PRKAR2B: variants seen among roughly 807,000 people sequenced by gnomAD.
PRKAR2B encodes the protein protein kinase cAMP-dependent type II regulatory subunit beta.
Under a neutral mutation model 49.9 loss-of-function variants are expected in PRKAR2B, and 14 were observed. That is an observed-to-expected ratio of 0.28 (90% CI 0.19 to 0.44). The LOEUF is 0.44. Ranked by LOEUF, PRKAR2B falls within the 20% of genes least tolerant of loss-of-function variation. The pLI, the probability that PRKAR2B is intolerant of heterozygous loss-of-function variation, is 1.00. For synonymous variants in PRKAR2B, 196 were observed against 197.7 expected, an observed-to-expected ratio of 0.99 and a Z score of 0.07; for missense variants, 393 against 537.9, an observed-to-expected ratio of 0.73 and a Z score of 2.67.
chr7:107,104,488 G>A (rs928262935), intron 2 of PRKAR2B, among the ~76,000 whole-genome samples: 4 of 152,018 alleles, frequency 2.6e-5, no homozygotes, highest in African/African-American at 4.8e-5. Flanking sequence ...GGCCTCGTTG[G>A]GGGGGTATAC....
intron 1 of PRKAR2B, among the ~76,000 whole-genome samples, chr7:107,063,619 G>A (rs1237623870): frequency 2.0e-5 from 3 of 152,208 alleles, no homozygotes. Flanking sequence ...TTTGAGCTGA[G>A]ACTGGAATGG....
intron 2 of PRKAR2B, among the ~76,000 whole-genome samples, chr7:107,108,791 T>C (rs1221458310): frequency 6.6e-6 from 1 of 152,240 alleles, no homozygotes; most frequent in East Asian, 1.9e-4. Flanking sequence ...GTCATGTTCA[T>C]CTTGTTCAGT....
chr7:107,152,327 C>G (rs1796002137), intron 7 of PRKAR2B, among the ~76,000 whole-genome samples: 1 of 152,182 alleles, frequency 6.6e-6, no homozygotes, highest in South Asian at 2.1e-4. Flanking sequence ...GTTGACACAT[C>G]AGCTTCTTGC....
chr7:107,052,895 A>G (rs945198184), intron 1 of PRKAR2B, among the ~76,000 whole-genome samples: 4 of 152,188 alleles, frequency 2.6e-5, no homozygotes, highest in Admixed American at 6.5e-5. Flanking sequence ...CAGTGGTGCC[A>G]TCTTGGCTCA....
chr7:107,071,231 A>G (rs1458652540), intron 2 of PRKAR2B, among the ~76,000 whole-genome samples: 2 of 152,216 alleles, frequency 1.3e-5, no homozygotes, highest in African/African-American at 4.8e-5. Context: ...AGTTGATATA[A>G]TACAAATGGG....
chr7:107,129,147 C>G (rs939013035), intron 4 of PRKAR2B: 1 of 152,072 alleles, frequency 6.6e-6, no homozygotes, highest in Non-Finnish European at 1.5e-5. Flanking sequence ...TTAAAAAGGA[C>G]GTTTTTATAA....
At chr7:107,065,654 C>T (rs995320579) in intron 1 of PRKAR2B, among the ~76,000 whole-genome samples, 23 of 152,222 alleles carry the variant, frequency 1.5e-4, no homozygotes, top group African/African-American at 5.5e-4. Flanking sequence ...CTTACAATTC[C>T]AGTGCCCAGC....
At chr7:107,101,135 A>ATTTTTTTTT (rs950761298) in intron 2 of PRKAR2B, among the ~76,000 whole-genome samples, 15 of 94,688 alleles carry the variant, frequency 1.6e-4, no homozygotes, top group East Asian at 3.2e-4. Flanking sequence ...GTTGTTGCTT[A>ATTTTTTTTT]TTTTTTTTTT....
At chr7:107,159,396 T>A (rs1796155008) in intron 10 of PRKAR2B, 53 bp from the exon 11 acceptor site, 1 of 1,586,632 alleles carries the variant, frequency 6.3e-7, no homozygotes, top group Non-Finnish European at 8.6e-7. Flanking sequence ...GACTTAGAAA[T>A]TCTGCAGATT....
chr7:107,126,764 T>A (rs991854455), intron 3 of PRKAR2B, among the ~76,000 whole-genome samples: 1 of 138,690 alleles, frequency 7.2e-6, no homozygotes, highest in African/African-American at 2.8e-5. Context: ...GTTTGGTTGG[T>A]GTGGTTTGGT....
At chr7:107,120,087 A>G (rs1795360685) in intron 2 of PRKAR2B, among the ~76,000 whole-genome samples, 2 of 152,166 alleles carry the variant, frequency 1.3e-5, no homozygotes, top group South Asian at 4.1e-4. Flanking sequence ...CTGTCAAGTG[A>G]TGACATTAAC....
chr7:107,059,131 T>C (rs1030383678), intron 1 of PRKAR2B, among the ~76,000 whole-genome samples: 7 of 151,988 alleles, frequency 4.6e-5, no homozygotes, highest in Non-Finnish European at 1.0e-4. Flanking sequence ...CTACTAAAAA[T>C]ACAAAAATTA....
At chr7:107,046,730 C>T (rs997270674) in intron 1 of PRKAR2B, among the ~76,000 whole-genome samples, 3 of 152,098 alleles carry the variant, frequency 2.0e-5, no homozygotes, top group African/African-American at 7.2e-5. Context: ...TCTAATACTT[C>T]TTTTATGCTC....
intron 2 of PRKAR2B, among the ~76,000 whole-genome samples, chr7:107,092,191 A>G (rs1794742352): frequency 1.3e-5 from 2 of 151,614 alleles, no homozygotes; most frequent in Admixed American, 6.6e-5. Flanking sequence ...CTTGAAAGCC[A>G]CTGTCACTGT....
intron 6 of PRKAR2B, 60 bp downstream of exon 6, chr7:107,146,521 T>G: frequency 6.5e-7 from 1 of 1,526,918 alleles, no homozygotes; most frequent in Non-Finnish European, 8.9e-7. Context: ...TATGACGGTG[T>G]TACAAATTGC....
At chr7:107,048,095 A>G (rs995559671) in intron 1 of PRKAR2B, among the ~76,000 whole-genome samples, 2 of 152,204 alleles carry the variant, frequency 1.3e-5, no homozygotes, top group Admixed American at 6.5e-5. Context: ...TGCAAAATCA[A>G]GATTGGGATA....
intron 2 of PRKAR2B, among the ~76,000 whole-genome samples, chr7:107,093,511 TC>T (rs1794771867): frequency 8.8e-6 from 1 of 113,362 alleles, no homozygotes. Context: ...CACTTTTTTT[TC>T]TTTTTTTTTT....
At chr7:107,087,119 G>A (rs1039250298) in intron 2 of PRKAR2B, among the ~76,000 whole-genome samples, 5 of 152,040 alleles carry the variant, frequency 3.3e-5, no homozygotes, top group Non-Finnish European at 7.4e-5. Context: ...TATTTTGACA[G>A]TCTAAGTCCT....
intron 2 of PRKAR2B, among the ~76,000 whole-genome samples, chr7:107,077,598 C>G (rs539295244): frequency 6.6e-6 from 1 of 152,188 alleles, no homozygotes; most frequent in African/African-American, 2.4e-5. Flanking sequence ...GCACCTATGG[C>G]ATGGAGTGAG....
Sources: gnomAD v4.1 joint callset for allele counts (sites outside exome capture counted in the v4.1 genomes callset) on GRCh38, gnomAD v4.1.1 for gene constraint, MANE v1.5 for transcripts, NCBI Gene and HGNC (gene_info 2026-07-23, HGNC 2026-07-21) for gene names.